Variants in WDR33 observed in about 807,000 individuals in gnomAD.
The protein encoded by WDR33 is pre-mRNA 3' end processing protein WDR33.
WDR33 carries 47 observed loss-of-function variants against 164.9 expected under a neutral mutation model. The ratio of observed to expected loss-of-function variants is 0.29; its 90% CI spans 0.23 to 0.36. The LOEUF is 0.36. Among genes scored for constraint, WDR33 ranks in the 10% least tolerant of loss-of-function variants. The pLI, the probability that WDR33 is intolerant of heterozygous loss-of-function variation, is 1.00. For synonymous variants in WDR33, 505 were observed against 589.0 expected (o/e 0.86, Z 2.06); for missense variants, 1,137 against 1,754.1 (o/e 0.65, Z 6.28).
chr2:127,724,165 C>A lies in WDR33; in HGVS notation c.1196+168G>T, dbSNP rs1282993720. Among the ~76,000 whole-genome samples, 1 of 152,178 alleles carries A rather than the reference C, an allele frequency of 6.6e-6. No homozygotes were observed. Among genetic ancestry groups the A allele is most frequent in the Non-Finnish European group, 1.5e-5 (1 of 68,032 alleles). On this transcript the variant is annotated intron_variant, in intron 11 of 21. Transcript: ENST00000322313. The surrounding 1 kb of genome is among the most constrained non-coding windows in gnomAD (Gnocchi z 4.8). ...TGAATAGCCAAAACCATATTCAATA[C>A]CCAATCTCTTTATTGCAATATAAGT...
At chr2:127,769,416 G>C (rs549233419) in intron 2 of WDR33, among the ~76,000 whole-genome samples, 1 of 152,004 alleles carries the variant, frequency 6.6e-6, no homozygotes, top group South Asian at 2.1e-4. Context: ...GCGCAACAGA[G>C]CGAGATTCCA....
chr2:127,786,212 T>C (rs1573458140), intron 1 of WDR33, among the ~76,000 whole-genome samples: 3 of 152,172 alleles, frequency 2.0e-5, no homozygotes, highest in Non-Finnish European at 4.4e-5. Flanking sequence ...CTGTTCTTTT[T>C]TTTGTAGAGA....
rs1685972750 is a variant in WDR33 at position 127,704,759 on chromosome 2, TATCAGTATGCCTTTTCTAAGCAACC to T, written c.*1539_*1563del. On this transcript the variant is annotated 3_prime_UTR_variant, in exon 22 of 22. Transcript: ENST00000322313. ...TAAATTTTCATATCCTGTTAAACTA[TATCAGTATGCCTTTTCTAAGCAACC>T]ATTGAAACTTCCAGCACCAGCGGCC... 6.0e-6 allele frequency: 1 copy of T among 167,100 alleles called. No individual in the cohort carries two copies. The highest frequency in any genetic ancestry group is 2.4e-5 in the African/African-American group (1 of 41,454). The allele number at this position is 167,100 out of a possible 1,614,324, so 10.4% of individuals were successfully genotyped here.
intron 7 of WDR33, among the ~76,000 whole-genome samples, chr2:127,745,990 A>T (rs1460373080): frequency 1.3e-5 from 2 of 150,604 alleles, no homozygotes. Context: ...ATACCATTGC[A>T]TGCCAGCCTG....
intron 1 of WDR33, among the ~76,000 whole-genome samples, chr2:127,802,093 AT>A (rs1157256198): frequency 6.6e-6 from 1 of 151,936 alleles, no homozygotes; most frequent in East Asian, 1.9e-4. Context: ...AGGCAGGAGA[AT>A]CACTTGAACC....
At position 127,740,880 on chromosome 2, in the gene WDR33, T is replaced by C. The variant is rs925513074; in HGVS notation, c.725-14103A>G. On this transcript the variant is annotated intron_variant, in intron 7 of 21. Transcript: ENST00000322313. ...GAACTTATTTCGCAAGACTGACATATGTTGGCTACAAATTTTAGGAAATTT... is the reference window on the plus strand; with the variant it reads ...GAACTTATTTCGCAAGACTGACATACGTTGGCTACAAATTTTAGGAAATTT... 9.2e-5 allele frequency among the ~76,000 whole-genome samples: 14 copies of C among 152,334 alleles called. No individual in the cohort carries two copies. In the East Asian group the frequency reaches 1.7e-3, roughly 19 times the overall value.
intron 1 of WDR33, among the ~76,000 whole-genome samples, chr2:127,773,274 C>T (rs1393833385): frequency 1.3e-5 from 2 of 152,166 alleles, no homozygotes; most frequent in African/African-American, 4.8e-5. Context: ...ATTCTTAAAA[C>T]TGCCTTATCT....
chr2:127,778,911 G>A (rs1209841801), intron 1 of WDR33, among the ~76,000 whole-genome samples: 2 of 151,990 alleles, frequency 1.3e-5, no homozygotes, highest in Admixed American at 6.6e-5. Context: ...AAAACACATA[G>A]GAAAATGACC....
rs1412410111 is a variant in WDR33 at position 127,720,023 on chromosome 2, GC to G, written c.2001del (p.Pro668LeufsTer50). 6.2e-7 allele frequency: 1 copy of G among 1,613,812 alleles called. No individual in the cohort carries two copies. Among genetic ancestry groups the G allele is most frequent in the East Asian group, 2.2e-5 (1 of 44,880 alleles). ...CCTTGGGGCCCATGCATGTCCTGAG[GC>G]CGTGGCAACCCCTGGGGCGGGCCCT... is the stretch of plus-strand genomic sequence containing the variant. The part of the protein sequence containing the change: ...GPQGPPQGLP[R>X]PQDMHGPQGM... On this transcript the variant is annotated frameshift_variant, in exon 16 of 22. Coordinates refer to ENST00000322313, the MANE Select transcript of WDR33 (RefSeq NM_018383.5). LOFTEE classifies it high-confidence loss of function. This position sits in a 1 kb window ranked among gnomAD's most constrained non-coding sequence, Gnocchi z 5.9.
chr2:127,728,776 G>A (rs1686630051), intron 7 of WDR33, among the ~76,000 whole-genome samples: 1 of 152,270 alleles, frequency 6.6e-6, no homozygotes, highest in African/African-American at 2.4e-5. Context: ...GGGATTATGA[G>A]AAATGCCTGA....
Position 127,701,947 on chromosome 2 carries a change from A to T in WDR33, c.*4376T>A. Reference sequence around the variant, plus strand: ...TGCGGACGCCTGCTGCGCTGCGAAGAAGCGCCGTCCCGGCCCGCGCTGCTC... The same window carrying T: ...TGCGGACGCCTGCTGCGCTGCGAAGTAGCGCCGTCCCGGCCCGCGCTGCTC... On this transcript the variant is annotated 3_prime_UTR_variant, in exon 22 of 22. Coordinates refer to ENST00000322313, the MANE Select transcript of WDR33 (RefSeq NM_018383.5). 1 of 1,413,610 alleles carries T rather than the reference A, an allele frequency of 7.1e-7. No individual in the cohort carries two copies. The highest frequency in any genetic ancestry group is 9.2e-7 in the Non-Finnish European group (1 of 1,090,680). The allele number at this position is 1,413,610 out of a possible 1,614,324, so 87.6% of individuals were successfully genotyped here. A position where few individuals can be genotyped will look rare whatever the true frequency, so the allele number is the denominator to read the frequency against.
intron 7 of WDR33, among the ~76,000 whole-genome samples, chr2:127,739,343 T>C (rs1293572080): frequency 6.6e-6 from 1 of 151,944 alleles, no homozygotes; most frequent in African/African-American, 2.4e-5. Context: ...GACTATGATT[T>C]CCCCCCCGTA....
chr2:127,713,919 C>T lies in WDR33; in HGVS notation c.2972G>A (p.Arg991Gln), dbSNP rs558353802. ...GGGACCCCTGCAGTCCTGGCCACCC[C>T]GGAAAGGCCCCCTCTCGGGCCCATG... ...PEHGPERGPF[R>Q]GGQDCRGPPD... is the part of the protein sequence containing the mutation. The change falls in exon 18 of 22, where the codon CGG becomes CAG. Residue 991 changes from arginine to glutamine, a missense_variant. Arg to Gln is a conservative substitution (Grantham distance 43). Coordinates refer to ENST00000322313, the MANE Select transcript of WDR33 (RefSeq NM_018383.5). This position sits in a 1 kb window ranked among gnomAD's most constrained non-coding sequence, Gnocchi z 6.2. The T allele has an allele frequency of 1.1e-5, 18 of 1,610,442 alleles. No homozygotes were observed. Among genetic ancestry groups the T allele is most frequent in the Admixed American group, 3.3e-5 (2 of 59,746 alleles).
rs186071807 is a variant in WDR33, at chr2:127,741,007, T to A, written c.725-14230A>T. The stretch of plus-strand genomic sequence containing the variant: ...AAAATGAAACCCAAAATACATAGAC[T>A]GTAGTTGTCAGTGACAAAGGTTGTG... On this transcript the variant is annotated intron_variant, in intron 7 of 21. Coordinates refer to ENST00000322313, the MANE Select transcript of WDR33 (RefSeq NM_018383.5). This position sits in a 1 kb window ranked among gnomAD's most constrained non-coding sequence, Gnocchi z 4.1. Among the ~76,000 whole-genome samples, 2 of 152,200 alleles carry A rather than the reference T, an allele frequency of 1.3e-5. No individual in the cohort carries two copies. Among genetic ancestry groups the A allele is most frequent in the Non-Finnish European group, 2.9e-5 (2 of 67,970 alleles).
Position 127,738,471 on chromosome 2 carries a change from T to C in WDR33, c.725-11694A>G, listed in dbSNP as rs1686919036. Among the ~76,000 whole-genome samples, 2 of 152,108 alleles carry C rather than the reference T, an allele frequency of 1.3e-5. No homozygotes were observed. The highest frequency in any genetic ancestry group is 2.4e-5 in the African/African-American group (1 of 41,414). On this transcript the variant is annotated intron_variant, in intron 7 of 21. Transcript: ENST00000322313. The surrounding 1 kb of genome is among the most constrained non-coding windows in gnomAD (Gnocchi z 4.4). ...TGCTCCACTCCTTAAGTGTGGGCTA[T>C]ATATTAATATTATGACTTCATTCCA...
chr2:127,760,510 T>C (rs1039015984), intron 7 of WDR33, among the ~76,000 whole-genome samples: 5 of 152,170 alleles, frequency 3.3e-5, no homozygotes, highest in African/African-American at 1.2e-4. Flanking sequence ...ACTCTCATCA[T>C]CCCTTGAAAC....
intron 1 of WDR33, among the ~76,000 whole-genome samples, chr2:127,774,241 A>G (rs1425896362): frequency 6.6e-6 from 1 of 151,470 alleles, no homozygotes; most frequent in Non-Finnish European, 1.5e-5. Context: ...CAGTAAAGAC[A>G]GGGTTTCACC....
chr2:127,769,052 A>T lies in WDR33; in HGVS notation c.205-51T>A, dbSNP rs746149594. 3 of 1,108,748 alleles carry T rather than the reference A, an allele frequency of 2.7e-6. No individual in the cohort carries two copies. In the African/African-American group the frequency reaches 4.9e-5, roughly 18 times the overall value. 68.7% of individuals were successfully genotyped at this position (1,108,748 alleles called of 1,614,324 possible). ...AAATAAATAAATAGATCAATTAATG[A>T]CTATATGGTCTGATTATACTCAATT... On this transcript the variant is annotated intron_variant, in intron 2 of 21. Coordinates refer to ENST00000322313, the MANE Select transcript of WDR33 (RefSeq NM_018383.5).
chr2:127,738,037 A>G lies in WDR33; in HGVS notation c.725-11260T>C. 6.2e-7 allele frequency: 1 copy of G among 1,613,118 alleles called. No individual in the cohort carries two copies. Among genetic ancestry groups the G allele is most frequent in the Non-Finnish European group, 8.5e-7 (1 of 1,179,578 alleles). ...TTGACAGAAAGGAAGTAACAACGGC[A>G]GTGATGAAAACATGTATCTATCAAA... On this transcript the variant is annotated intron_variant, in intron 7 of 21. Transcript: ENST00000322313. This position sits in a 1 kb window ranked among gnomAD's most constrained non-coding sequence, Gnocchi z 4.4.
Sources: gnomAD v4.1 joint callset for allele counts (sites outside exome capture counted in the v4.1 genomes callset) on GRCh38, gnomAD v4.1.1 for gene constraint, Gnocchi (gnomAD v3.1) non-coding constraint, MANE v1.5 for transcripts, NCBI Gene and HGNC (gene_info 2026-07-23, HGNC 2026-07-21) for gene names.